The following IQCM variants were observed in gnomAD, a reference collection of about 807,000 sequenced individuals.
IQCM encodes the protein IQ motif containing M, also known as IQ domain-containing protein M.
A neutral mutation model predicts 57.6 loss-of-function variants in IQCM; 45 were observed. That is an observed-to-expected ratio of 0.78 (90% CI 0.62 to 1.00). The LOEUF is 1.00. Among genes scored for constraint, IQCM ranks in the 50% least tolerant of loss-of-function variants. The pLI, the probability that IQCM is intolerant of heterozygous loss-of-function variation, is 0.00. For missense variants in IQCM, 468 were observed against 511.6 expected (o/e 0.91, Z 0.82); for synonymous variants, 148 against 158.9 (o/e 0.93, Z 0.51).
At chr4:149,366,157 C>G (rs547014531) in intron 13 of IQCM, among the ~76,000 whole-genome samples, 12 of 152,054 alleles carry the variant, frequency 7.9e-5, no homozygotes, top group African/African-American at 2.6e-4. Context: ...GGAGGGCTAT[C>G]ACCAGTAACC....
chr4:149,375,662 A>T (rs983929615), intron 13 of IQCM, among the ~76,000 whole-genome samples: 4 of 152,150 alleles, frequency 2.6e-5, no homozygotes, highest in Non-Finnish European at 5.9e-5. Flanking sequence ...TATGAACTAC[A>T]ATTATCATTG....
chr4:149,813,794 T>C (rs1283737511), intron 2 of IQCM, among the ~76,000 whole-genome samples: 1 of 152,074 alleles, frequency 6.6e-6, no homozygotes, highest in Non-Finnish European at 1.5e-5. Context: ...TCCTCAATAA[T>C]ATCCCCCTCT....
chr4:149,570,393 T>TA, intron 9 of IQCM, among the ~76,000 whole-genome samples: 1 of 152,004 alleles, frequency 6.6e-6, no homozygotes. Context: ...TAGGTCCTCC[T>TA]AAAAAACCAG....
intron 9 of IQCM, among the ~76,000 whole-genome samples, chr4:149,564,259 T>G (rs1017564654): frequency 3.3e-5 from 5 of 152,236 alleles, no homozygotes; most frequent in African/African-American, 1.2e-4. Flanking sequence ...AATTATTTAA[T>G]TATTTGGCAC....
In IQCM at chr4:149,692,619, T is replaced by C. The variant is rs571753696; in HGVS notation, c.386-6151A>G. On this transcript the variant is annotated intron_variant, in intron 5 of 13. Transcript: ENST00000636793. Reference sequence around the variant, plus strand: ...CCAACATACAAAATAAATGCAGATATACTTTTTAAAAAGTAGTATATAGAG... The same window carrying C: ...CCAACATACAAAATAAATGCAGATACACTTTTTAAAAAGTAGTATATAGAG... Among the ~76,000 whole-genome samples the C allele has an allele frequency of 1.7e-4, 26 of 152,300 alleles. No individual in the cohort carries two copies. The South Asian group carries it at 4.8e-3, about 28-fold the overall frequency.
At chr4:149,771,334 A>C (rs1770558917) in intron 2 of IQCM, among the ~76,000 whole-genome samples, 1 of 152,054 alleles carries the variant, frequency 6.6e-6, no homozygotes, top group South Asian at 2.1e-4. Flanking sequence ...ACAAGTTCCA[A>C]GTCATATATA....
intron 12 of IQCM, among the ~76,000 whole-genome samples, chr4:149,438,902 T>C (rs1312989376): frequency 1.3e-5 from 2 of 152,126 alleles, no homozygotes; most frequent in East Asian, 3.9e-4. Context: ...CATATTACAA[T>C]GAAATACCAA....
chr4:149,360,836 G>T (rs1729428529), intron 13 of IQCM, among the ~76,000 whole-genome samples: 2 of 152,134 alleles, frequency 1.3e-5, no homozygotes, highest in Admixed American at 1.3e-4. Flanking sequence ...CAGCAGAGTG[G>T]GGCATTGTTG....
chr4:149,672,630 A>G (rs1231209340), intron 7 of IQCM, among the ~76,000 whole-genome samples: 6 of 152,184 alleles, frequency 3.9e-5, no homozygotes, highest in Admixed American at 1.3e-4. Flanking sequence ...GACTATGTGA[A>G]AAGACCAAAT....
chr4:149,638,350 CTT>C (rs971185437), intron 7 of IQCM, among the ~76,000 whole-genome samples: 2 of 152,024 alleles, frequency 1.3e-5, no homozygotes, highest in African/African-American at 2.4e-5. Context: ...TGGGAAAACT[CTT>C]TTGTTTCTTA....
At chr4:149,710,774 G>GGT in intron 5 of IQCM, among the ~76,000 whole-genome samples, 1 of 152,170 alleles carries the variant, frequency 6.6e-6, no homozygotes, top group East Asian at 1.9e-4. Flanking sequence ...AATACACTTA[G>GGT]GTGCCATTTC....
At chr4:149,652,589 A>G (rs767841502) in intron 7 of IQCM, among the ~76,000 whole-genome samples, 3 of 152,146 alleles carry the variant, frequency 2.0e-5, no homozygotes, top group Non-Finnish European at 2.9e-5. Context: ...ATGGTGAGAC[A>G]ATAGAAAGTA....
chr4:149,760,554 G>C (rs1344009096), intron 2 of IQCM, among the ~76,000 whole-genome samples: 1 of 151,782 alleles, frequency 6.6e-6, no homozygotes, highest in African/African-American at 2.4e-5. Flanking sequence ...ACTCACTAAG[G>C]GTCTGGTTTC....
intron 2 of IQCM, among the ~76,000 whole-genome samples, chr4:149,797,599 T>A (rs1449736433): frequency 1.3e-5 from 2 of 151,768 alleles, no homozygotes; most frequent in African/African-American, 4.8e-5. Context: ...CCAAGCAAAT[T>A]TAATACAAAG....
At chr4:149,413,895 A>G (rs1464558339) in intron 13 of IQCM, among the ~76,000 whole-genome samples, 2 of 152,158 alleles carry the variant, frequency 1.3e-5, no homozygotes, top group Non-Finnish European at 2.9e-5. Context: ...TAAACATTTC[A>G]TGCATCTGGA....
chr4:149,632,282 T>C (rs1235115590), intron 7 of IQCM, among the ~76,000 whole-genome samples: 1 of 152,220 alleles, frequency 6.6e-6, no homozygotes, highest in African/African-American at 2.4e-5. Flanking sequence ...AGGTATTTGA[T>C]TGGCAATGTG....
intron 9 of IQCM, among the ~76,000 whole-genome samples, chr4:149,566,520 G>C (rs1750649057): frequency 6.6e-6 from 1 of 151,866 alleles, no homozygotes; most frequent in Non-Finnish European, 1.5e-5. Context: ...ATGTACGAGA[G>C]AGAGAGAGAG....
chr4:149,795,711 G>A (rs1250634153), intron 2 of IQCM, among the ~76,000 whole-genome samples: 1 of 152,140 alleles, frequency 6.6e-6, no homozygotes, highest in Non-Finnish European at 1.5e-5. Context: ...GGAGAACTTT[G>A]TCTTGCATCT....
intron 12 of IQCM, among the ~76,000 whole-genome samples, chr4:149,480,108 T>C (rs1021310934): frequency 6.6e-6 from 1 of 152,202 alleles, no homozygotes; most frequent in Admixed American, 6.5e-5. Context: ...TGTTAATTAA[T>C]ATGCCATGGG....
Sources: gnomAD v4.1 joint callset for allele counts (sites outside exome capture counted in the v4.1 genomes callset) on GRCh38, gnomAD v4.1.1 for gene constraint, MANE v1.5 for transcripts, NCBI Gene and HGNC (gene_info 2026-07-23, HGNC 2026-07-21) for gene names.